CSTF3: variants seen among roughly 807,000 people sequenced by gnomAD.
The protein encoded by CSTF3 is CF-1 77 kDa subunit.
In CSTF3, 29 loss-of-function variants were observed where a neutral mutation model predicts 105.8. That is an observed-to-expected ratio of 0.27 (90% CI 0.20 to 0.37). The LOEUF is 0.37. Ranked by LOEUF, CSTF3 falls within the 10% of genes least tolerant of loss-of-function variation. The probability of loss-of-function intolerance (pLI) is 1.00; values close to 1 mark genes in which losing one functional copy is unlikely to be tolerated. For missense variants in CSTF3, 357 were observed against 879.3 expected (o/e 0.41, Z 7.51); for synonymous variants, 252 against 281.9 (o/e 0.89, Z 1.06).
intron 1 of CSTF3, among the ~76,000 whole-genome samples, chr11:33,156,197 C>T (rs1409462298): frequency 6.6e-6 from 1 of 152,170 alleles, no homozygotes; most frequent in African/African-American, 2.4e-5. Context: ...ACCAAACAAG[C>T]ATCACTAAAA....
intron 3 of CSTF3, among the ~76,000 whole-genome samples, chr11:33,125,835 T>C (rs1039638583): frequency 1.3e-5 from 2 of 152,188 alleles, no homozygotes; most frequent in Admixed American, 6.5e-5. Context: ...TTAGGCATTC[T>C]GCTTATCTCC....
At chr11:33,131,400 G>C (rs1308421436) in intron 3 of CSTF3, among the ~76,000 whole-genome samples, 2 of 152,072 alleles carry the variant, frequency 1.3e-5, no homozygotes, top group East Asian at 3.9e-4. Context: ...AAAAACTCCT[G>C]ATCAAAGAAA....
At chr11:33,086,391 G>C (rs1391358004) in intron 18 of CSTF3, among the ~76,000 whole-genome samples, 1 of 151,712 alleles carries the variant, frequency 6.6e-6, no homozygotes, top group Admixed American at 6.6e-5. Flanking sequence ...AAATCTATCA[G>C]TGAAGAAAGT....
chr11:33,108,518 T>C (rs1855348541), intron 3 of CSTF3, 100 bp from the exon 4 acceptor site: 4 of 839,682 alleles, frequency 4.8e-6, no homozygotes, highest in African/African-American at 1.8e-5. Flanking sequence ...TTCATCCCTA[T>C]AGTTTCTTAT....
At chr11:33,131,979 T>C (rs1025410907) in intron 3 of CSTF3, among the ~76,000 whole-genome samples, 15 of 152,218 alleles carry the variant, frequency 9.9e-5, no homozygotes, top group African/African-American at 3.6e-4. Flanking sequence ...AAAGCATTTA[T>C]TGAGCCTATG....
At position 33,108,269 on chromosome 11, in the gene CSTF3, C is replaced by A. The variant is rs539632300; in HGVS notation, c.258+117G>T. 39 of 1,022,880 alleles carry A rather than the reference C, an allele frequency of 3.8e-5. No homozygotes were observed. The South Asian group carries it at 1.0e-3, about 26-fold the overall frequency. 63.4% of individuals were successfully genotyped at this position (1,022,880 alleles called of 1,614,324 possible). A position where few individuals can be genotyped will look rare whatever the true frequency, so the allele number is the denominator to read the frequency against. On this transcript the variant is annotated intron_variant, in intron 4 of 20. Transcript: ENST00000323959. ...AAAAAAGCTGAATAAGTACAATTAA[C>A]TTGTAAAAAATCACTATCTAGATTC...
chr11:33,151,601 C>T (rs12799348), intron 1 of CSTF3, among the ~76,000 whole-genome samples: 45,203 of 152,050 alleles, frequency 0.3, 7,734 homozygotes, highest in Middle Eastern at 0.43. Flanking sequence ...ATGTATCAGC[C>T]GATGGACTTT....
intron 13 of CSTF3, 132 bp downstream of exon 13, chr11:33,098,558 T>C: frequency 1.7e-6 from 1 of 579,238 alleles, no homozygotes; most frequent in Non-Finnish European, 3.0e-6. Flanking sequence ...GGGGATCCCA[T>C]ACTCAATGTT....
At chr11:33,101,305 A>C (rs1284296951) in intron 10 of CSTF3, among the ~76,000 whole-genome samples, 1 of 152,210 alleles carries the variant, frequency 6.6e-6, no homozygotes, top group Non-Finnish European at 1.5e-5. Flanking sequence ...TGATCCCTAA[A>C]ATGTACATAC....
chr11:33,085,362 C>CTTTATAGT, intron 20 of CSTF3, 73 bp from the exon 21 acceptor site: 2 of 1,207,294 alleles, frequency 1.7e-6, no homozygotes, highest in South Asian at 3.3e-5. Flanking sequence ...ACTGTGGATA[C>CTTTATAGT]TTTATTTCAT....
At chr11:33,133,666 G>A (rs538574715) in intron 3 of CSTF3, among the ~76,000 whole-genome samples, 1 of 152,318 alleles carries the variant, frequency 6.6e-6, no homozygotes, top group South Asian at 2.1e-4. Context: ...CCAAAATGGT[G>A]AAACCCCATC....
Position 33,084,859 on chromosome 11 carries a change from G to C in CSTF3, c.*228C>G. 1.7e-6 allele frequency: 1 copy of C among 575,150 alleles called. No individual in the cohort carries two copies. Among genetic ancestry groups the C allele is most frequent in the East Asian group, 3.0e-5 (1 of 33,424 alleles). 35.6% of individuals were successfully genotyped at this position (575,150 alleles called of 1,614,324 possible). ...AAATGTGGTTCTGCCACTTTGTACT[G>C]TTCTCACATTTTTGAAAACCTAATT... On this transcript the variant is annotated 3_prime_UTR_variant, in exon 21 of 21. Coordinates refer to ENST00000323959, the MANE Select transcript of CSTF3 (RefSeq NM_001326.3).
At chr11:33,128,029 A>C (rs1328870411) in intron 3 of CSTF3, among the ~76,000 whole-genome samples, 1 of 152,174 alleles carries the variant, frequency 6.6e-6, no homozygotes, top group African/African-American at 2.4e-5. Context: ...TTCTGTACAA[A>C]ATAAGTCAAT....
At chr11:33,131,811 C>T (rs375907662) in intron 3 of CSTF3, among the ~76,000 whole-genome samples, 65 of 152,260 alleles carry the variant, frequency 4.3e-4, no homozygotes, top group South Asian at 3.5e-3. Context: ...GAGATCGTGG[C>T]ACTGCACTCT....
chr11:33,119,522 T>C (rs1419392930), intron 3 of CSTF3, among the ~76,000 whole-genome samples: 1 of 151,812 alleles, frequency 6.6e-6, no homozygotes, highest in Admixed American at 6.6e-5. Flanking sequence ...AGATACAAAT[T>C]CAATGGATTG....
At chr11:33,116,350 A>G (rs780120803) in intron 3 of CSTF3, among the ~76,000 whole-genome samples, 2 of 152,178 alleles carry the variant, frequency 1.3e-5, no homozygotes, top group Non-Finnish European at 2.9e-5. Flanking sequence ...ACAATAAAGG[A>G]CTAAATTTAA....
intron 13 of CSTF3, 86 bp downstream of exon 13, chr11:33,098,604 A>G: frequency 1.2e-6 from 1 of 801,620 alleles, no homozygotes; most frequent in East Asian, 2.8e-5. Flanking sequence ...CAACAAAAAC[A>G]GTGAATTTTA....
chr11:33,140,353 T>C (rs921331051), intron 3 of CSTF3, among the ~76,000 whole-genome samples: 2 of 151,994 alleles, frequency 1.3e-5, no homozygotes, highest in Admixed American at 1.3e-4. Flanking sequence ...GGTATGGTCA[T>C]GGGCCAAAAC....
chr11:33,153,712 CAA>C (rs35247715), intron 1 of CSTF3, among the ~76,000 whole-genome samples: 7 of 121,782 alleles, frequency 5.7e-5, no homozygotes, highest in Admixed American at 1.6e-4. Context: ...GTAAAACAGA[CAA>C]AAAAAAAAAA....
Sources: gnomAD v4.1 joint callset for allele counts (sites outside exome capture counted in the v4.1 genomes callset) on GRCh38, gnomAD v4.1.1 for gene constraint, MANE v1.5 for transcripts, NCBI Gene and HGNC (gene_info 2026-07-23, HGNC 2026-07-21) for gene names.